NR3C2: variants seen among roughly 807,000 people sequenced by gnomAD.
NR3C2 encodes the protein nuclear receptor subfamily 3 group C member 2, also known as mineralocorticoid receptor.
In NR3C2, 15 loss-of-function variants were observed where a neutral mutation model predicts 86.4. That is an observed-to-expected ratio of 0.17 (90% CI 0.12 to 0.27). The LOEUF is 0.27. Among genes scored for constraint, NR3C2 ranks in the 10% least tolerant of loss-of-function variants. The probability of loss-of-function intolerance (pLI) is 1.00; values close to 1 mark genes in which losing one functional copy is unlikely to be tolerated. For missense variants in NR3C2, 960 were observed against 1,195.6 expected, an observed-to-expected ratio of 0.80 and a Z score of 2.91; for synonymous variants, 458 against 450.5, an observed-to-expected ratio of 1.02 and a Z score of -0.21.
intron 2 of NR3C2, among the ~76,000 whole-genome samples, chr4:148,404,334 T>C (rs1321258414): frequency 6.6e-6 from 1 of 152,148 alleles, no homozygotes; most frequent in Admixed American, 6.5e-5. Context: ...TGAATAAACT[T>C]GAATTATGAC....
chr4:148,241,695 T>C (rs893720718), intron 3 of NR3C2, among the ~76,000 whole-genome samples: 3 of 152,180 alleles, frequency 2.0e-5, no homozygotes, highest in Non-Finnish European at 4.4e-5. Flanking sequence ...TATTTGCAAA[T>C]TGTCTGTCTT....
In NR3C2 at chr4:148,142,520, C is replaced by T. The variant is rs372313081; in HGVS notation, c.2510+9949G>A. On this transcript the variant is annotated intron_variant, in intron 6 of 8. Coordinates refer to ENST00000358102, the MANE Select transcript of NR3C2 (RefSeq NM_000901.5). The stretch of plus-strand genomic sequence containing the variant: ...TTCTTCCCCACCCCCGAAAGGGCCT[C>T]GTTTTGCTCTGTCACCCAGGCTGGA... 3.6e-4 allele frequency among the ~76,000 whole-genome samples: 54 copies of T among 152,066 alleles called. 1 individual carries two copies. Among genetic ancestry groups the T allele is most frequent in the Non-Finnish European group, 5.9e-4 (40 of 67,990 alleles).
At chr4:148,424,364 T>C (rs1438840408) in intron 2 of NR3C2, among the ~76,000 whole-genome samples, 1 of 152,220 alleles carries the variant, frequency 6.6e-6, no homozygotes, top group Admixed American at 6.5e-5. Context: ...ACAAACACTT[T>C]GTAAAACAAT....
At chr4:148,137,211 A>G (rs60791339) in intron 6 of NR3C2, among the ~76,000 whole-genome samples, 9,643 of 152,102 alleles carry the variant, frequency 0.063, 1,024 homozygotes, top group African/African-American at 0.22. Context: ...GGGACCTGTA[A>G]GACACTTCCA....
rs72658628 is a variant in NR3C2 at position 148,404,883 on chromosome 4, C to T, written c.1757+30221G>A. 4.3e-3 allele frequency among the ~76,000 whole-genome samples: 659 copies of T among 152,054 alleles called. 2 individuals carry two copies. The highest frequency in any genetic ancestry group is 0.015 in the African/African-American group (631 of 41,488). ...ATCAAATTTAACTGACTTAAAATAA[C>T]CAGAAATAAAAGCATAAATTTAGGA... On this transcript the variant is annotated intron_variant, in intron 2 of 8. Coordinates refer to ENST00000358102, the MANE Select transcript of NR3C2 (RefSeq NM_000901.5).
At chr4:148,439,541 A>G (rs905965554) in intron 1 of NR3C2, among the ~76,000 whole-genome samples, 2 of 152,096 alleles carry the variant, frequency 1.3e-5, no homozygotes, top group Non-Finnish European at 2.9e-5. Flanking sequence ...GGTCATAGTC[A>G]AGAGGGCTCT....
chr4:148,411,425 G>T (rs1183742638), intron 2 of NR3C2, among the ~76,000 whole-genome samples: 2 of 152,120 alleles, frequency 1.3e-5, no homozygotes, highest in Non-Finnish European at 2.9e-5. Flanking sequence ...TTACAGACAA[G>T]GGTAATGTGT....
At chr4:148,364,410 T>C (rs1045872556) in intron 2 of NR3C2, among the ~76,000 whole-genome samples, 8 of 152,190 alleles carry the variant, frequency 5.3e-5, no homozygotes, top group Admixed American at 1.3e-4. Context: ...AAAGTAATCT[T>C]CTTTGCTTCC....
intron 3 of NR3C2, among the ~76,000 whole-genome samples, chr4:148,233,542 T>C (rs1738573915): frequency 6.6e-6 from 1 of 151,978 alleles, no homozygotes; most frequent in Non-Finnish European, 1.5e-5. Context: ...GTATGTTTTG[T>C]AGAGATGAGG....
At chr4:148,163,659 T>G (rs1462529162) in intron 4 of NR3C2, among the ~76,000 whole-genome samples, 3 of 150,978 alleles carry the variant, frequency 2.0e-5, no homozygotes, top group Non-Finnish European at 4.4e-5. Flanking sequence ...CAGTCCTGTA[T>G]GTAAAAAACA....
intron 2 of NR3C2, among the ~76,000 whole-genome samples, chr4:148,347,097 A>T (rs1322233006): frequency 1.6e-4 from 24 of 152,170 alleles, no homozygotes; most frequent in Non-Finnish European, 5.9e-5. Flanking sequence ...TAAGAAAAGC[A>T]CTGCAAAGGA....
chr4:148,122,449 A>G (rs1732550195), intron 6 of NR3C2, among the ~76,000 whole-genome samples: 1 of 152,222 alleles, frequency 6.6e-6, no homozygotes, highest in African/African-American at 2.4e-5. Context: ...TTCTAAACAG[A>G]AAAGGCTGGA....
At chr4:148,247,270 T>C (rs1037035368) in intron 3 of NR3C2, among the ~76,000 whole-genome samples, 11 of 152,184 alleles carry the variant, frequency 7.2e-5, no homozygotes, top group African/African-American at 2.4e-4. Flanking sequence ...AACGGCTCAA[T>C]AGAGGTTAAT....
chr4:148,216,816 C>T (rs560882248), intron 3 of NR3C2, among the ~76,000 whole-genome samples: 1 of 152,260 alleles, frequency 6.6e-6, no homozygotes, highest in African/African-American at 2.4e-5. Context: ...TGTCAAATCA[C>T]CCTGCTATCT....
rs190264334 is a variant in NR3C2 at position 148,095,126 on chromosome 4, C to G, written c.2800-13627G>C. 3.0e-4 allele frequency among the ~76,000 whole-genome samples: 45 copies of G among 151,508 alleles called. 1 individual carries two copies. Among genetic ancestry groups the G allele is most frequent in the Non-Finnish European group, 5.9e-5 (4 of 68,014 alleles). Reference sequence around the variant, plus strand: ...AACTATGTGAATGGACCTAATACCACTGAATTGTACACTTAAAATGGATAA... The same window carrying G: ...AACTATGTGAATGGACCTAATACCAGTGAATTGTACACTTAAAATGGATAA... On this transcript the variant is annotated intron_variant, in intron 8 of 8. Coordinates refer to ENST00000358102, the MANE Select transcript of NR3C2 (RefSeq NM_000901.5).
chr4:148,149,516 A>G (rs1734013318), intron 6 of NR3C2, among the ~76,000 whole-genome samples: 1 of 152,344 alleles, frequency 6.6e-6, no homozygotes, highest in African/African-American at 2.4e-5. Context: ...TTAAAAAGTA[A>G]TAAGTGACAC....
intron 2 of NR3C2, among the ~76,000 whole-genome samples, chr4:148,274,851 C>G (rs533097539): frequency 3.3e-5 from 5 of 152,032 alleles, no homozygotes; most frequent in African/African-American, 1.2e-4. Flanking sequence ...GTTCCCACCA[C>G]CACGCCCAGC....
chr4:148,315,282 G>A (rs1168688415), intron 2 of NR3C2, among the ~76,000 whole-genome samples: 3 of 152,130 alleles, frequency 2.0e-5, no homozygotes, highest in Non-Finnish European at 4.4e-5. Flanking sequence ...CTTGGTGGTT[G>A]GAAGCTGTCA....
At chr4:148,084,835 G>A (rs760700921) in intron 8 of NR3C2, among the ~76,000 whole-genome samples, 8 of 152,046 alleles carry the variant, frequency 5.3e-5, no homozygotes, top group Non-Finnish European at 1.0e-4. Context: ...CAAGCAAATG[G>A]AAAGCAAAAA....
Sources: gnomAD v4.1 joint callset for allele counts (sites outside exome capture counted in the v4.1 genomes callset) on GRCh38, gnomAD v4.1.1 for gene constraint, MANE v1.5 for transcripts, NCBI Gene and HGNC (gene_info 2026-07-23, HGNC 2026-07-21) for gene names.